PCSK2: variants seen among roughly 807,000 people sequenced by gnomAD.
PCSK2 encodes the protein neuroendocrine convertase 2.
PCSK2 carries 14 observed loss-of-function variants against 69.7 expected under a neutral mutation model. That is an observed-to-expected ratio of 0.20 (90% CI 0.13 to 0.31). PCSK2 has a LOEUF of 0.31. Among genes scored for constraint, PCSK2 ranks in the 10% least tolerant of loss-of-function variants. The pLI is 1.00. For missense variants in PCSK2, 544 were observed against 842.5 expected (o/e 0.65, Z 4.39); for synonymous variants, 307 against 320.7 (o/e 0.96, Z 0.46).
intron 2 of PCSK2, among the ~76,000 whole-genome samples, chr20:17,267,627 CTAA>C (rs1454378424): frequency 6.6e-6 from 1 of 152,136 alleles, no homozygotes; most frequent in African/African-American, 2.4e-5. Context: ...GGGAAAGCTG[CTAA>C]TGAGTAAGCC....
intron 8 of PCSK2, among the ~76,000 whole-genome samples, chr20:17,452,074 T>C (rs959533752): frequency 6.6e-6 from 1 of 151,986 alleles, no homozygotes; most frequent in Non-Finnish European, 1.5e-5. Context: ...GAGACAGGGT[T>C]TCACCATGTT....
At chr20:17,384,861 G>A (rs1368263704) in intron 5 of PCSK2, among the ~76,000 whole-genome samples, 1 of 152,042 alleles carries the variant, frequency 6.6e-6, no homozygotes, top group African/African-American at 2.4e-5. Flanking sequence ...AGCCTAAGTC[G>A]AAGCTACGGT....
At chr20:17,339,796 C>T (rs1008835618) in intron 2 of PCSK2, among the ~76,000 whole-genome samples, 2 of 152,278 alleles carry the variant, frequency 1.3e-5, no homozygotes, top group Middle Eastern at 3.4e-3. Context: ...TTGCTGCCCT[C>T]GGTCTAAGGA....
chr20:17,296,665 ATGAGTCTTGTATTTC>A (rs1460919562), intron 2 of PCSK2, among the ~76,000 whole-genome samples: 3 of 152,232 alleles, frequency 2.0e-5, no homozygotes, highest in African/African-American at 7.2e-5. Context: ...CACCTTAAAA[ATGAGTCTTGTATTTC>A]TGGCAGATTT....
intron 7 of PCSK2, 56 bp from the exon 8 acceptor site, chr20:17,436,652 G>T: frequency 6.7e-7 from 1 of 1,503,256 alleles, no homozygotes. Flanking sequence ...CCACCTCCTT[G>T]TCTCCTGCGA....
intron 1 of PCSK2, among the ~76,000 whole-genome samples, chr20:17,229,741 A>T (rs181423442): frequency 6.6e-5 from 10 of 152,092 alleles, no homozygotes; most frequent in African/African-American, 9.6e-5. Flanking sequence ...GCCTGGTGCA[A>T]CATCTGCCTA....
At chr20:17,298,292 A>G (rs1988962620) in intron 2 of PCSK2, among the ~76,000 whole-genome samples, 1 of 152,184 alleles carries the variant, frequency 6.6e-6, no homozygotes, top group South Asian at 2.1e-4. Flanking sequence ...CCTCCTCCAC[A>G]GTCTACATTT....
intron 1 of PCSK2, among the ~76,000 whole-genome samples, chr20:17,256,216 T>C (rs1051213666): frequency 6.6e-6 from 1 of 152,166 alleles, no homozygotes; most frequent in Admixed American, 6.5e-5. Context: ...TCTTTCTTCT[T>C]ATTATTTTTA....
chr20:17,375,894 G>T (rs2030911157), intron 5 of PCSK2, among the ~76,000 whole-genome samples: 6 of 152,222 alleles, frequency 3.9e-5, no homozygotes, highest in Admixed American at 3.3e-4. Context: ...GGACTCTGTA[G>T]AATCTCCCTT....
intron 5 of PCSK2, among the ~76,000 whole-genome samples, chr20:17,404,011 A>T (rs113354170): frequency 3.9e-5 from 6 of 152,206 alleles, no homozygotes; most frequent in African/African-American, 1.4e-4. Context: ...ATTAGAAAAG[A>T]TGTCCCCTTC....
chr20:17,401,440 G>A (rs1488126510), intron 5 of PCSK2, among the ~76,000 whole-genome samples: 4 of 152,118 alleles, frequency 2.6e-5, no homozygotes, highest in African/African-American at 9.6e-5. Flanking sequence ...CACTAATCCC[G>A]TTCATGAGGG....
chr20:17,456,224 G>C (rs41276386), intron 9 of PCSK2, 124 bp from the exon 10 acceptor site: 10,186 of 654,562 alleles, frequency 0.016, 93 homozygotes, highest in Non-Finnish European at 0.021. Flanking sequence ...CTGGGCAACA[G>C]AGTGAGGCTG....
chr20:17,408,898 C>G (rs1015455252), intron 5 of PCSK2, among the ~76,000 whole-genome samples: 14 of 152,162 alleles, frequency 9.2e-5, no homozygotes, highest in African/African-American at 3.4e-4. Context: ...AACATCTGGC[C>G]ATCTGTCCAA....
intron 1 of PCSK2, among the ~76,000 whole-genome samples, chr20:17,258,400 T>C (rs1424754624): frequency 6.6e-6 from 1 of 152,198 alleles, no homozygotes; most frequent in Non-Finnish European, 1.5e-5. Context: ...TGCTTTTCTA[T>C]AGCAGTAGAT....
chr20:17,335,026 T>C (rs951094769), intron 2 of PCSK2, among the ~76,000 whole-genome samples: 4 of 152,172 alleles, frequency 2.6e-5, no homozygotes, highest in African/African-American at 9.7e-5. Context: ...CGTAGAATGG[T>C]GGACAATTAT....
chr20:17,474,127 C>T (rs1778041898), intron 11 of PCSK2, among the ~76,000 whole-genome samples: 1 of 152,200 alleles, frequency 6.6e-6, no homozygotes, highest in East Asian at 1.9e-4. Flanking sequence ...GCCTCTTGTT[C>T]AGGTCCCCTT....
intron 11 of PCSK2, chr20:17,479,453 G>A (rs765494057): frequency 3.6e-6 from 2 of 551,028 alleles, no homozygotes; most frequent in East Asian, 3.7e-5. Flanking sequence ...TTCTCCCTGG[G>A]GGCGGAGCTA....
intron 11 of PCSK2, among the ~76,000 whole-genome samples, chr20:17,465,920 T>G (rs563681480): frequency 6.6e-6 from 1 of 152,278 alleles, no homozygotes; most frequent in Non-Finnish European, 1.5e-5. Context: ...CCTTCTGCCC[T>G]GGCCTCCCAA....
intron 5 of PCSK2, among the ~76,000 whole-genome samples, chr20:17,402,447 C>G (rs959652531): frequency 3.9e-5 from 6 of 152,050 alleles, no homozygotes; most frequent in Non-Finnish European, 8.8e-5. Context: ...AGGCAGATCA[C>G]TTGACGTCTG....
Sources: gnomAD v4.1 joint callset for allele counts (sites outside exome capture counted in the v4.1 genomes callset) on GRCh38, gnomAD v4.1.1 for gene constraint, MANE v1.5 for transcripts, NCBI Gene and HGNC (gene_info 2026-07-23, HGNC 2026-07-21) for gene names.